Variants in KLHL4 observed in about 807,000 individuals in gnomAD.
KLHL4 encodes the protein kelch-like protein 4.
Under a neutral mutation model 45.8 loss-of-function variants are expected in KLHL4, and 17 were observed. The ratio of observed to expected loss-of-function variants is 0.37; its 90% confidence interval spans 0.25 to 0.56. The LOEUF (loss-of-function observed/expected upper bound fraction) is 0.56, where lower values mean the gene tolerates loss of function less well. Among genes scored for constraint, KLHL4 ranks in the 20% least tolerant of loss-of-function variants. The pLI, the probability that KLHL4 is intolerant of heterozygous loss-of-function variation, is 0.79. For synonymous variants in KLHL4, 224 were observed against 189.9 expected, an observed-to-expected ratio of 1.18 and a Z score of -1.47; for missense variants, 544 against 544.9, an observed-to-expected ratio of 1.00 and a Z score of 0.02.
chrX:87,608,316 T>C (rs1361060751), intron 1 of KLHL4, among the ~76,000 whole-genome samples: 1 of 111,583 alleles, frequency 9.0e-6, no homozygotes, highest in African/African-American at 3.3e-5. Flanking sequence ...ATCATGCTAC[T>C]TCTGTTCAAA....
At chrX:87,641,734 T>A (rs1326823121) in intron 9 of KLHL4, among the ~76,000 whole-genome samples, 1 of 111,080 alleles carries the variant, frequency 9.0e-6, no homozygotes, top group Admixed American at 9.5e-5. Context: ...CTCTTTGGTT[T>A]GCACGGGAGC....
At chrX:87,535,356 T>C (rs1931405322) in intron 1 of KLHL4, among the ~76,000 whole-genome samples, 1 of 111,932 alleles carries the variant, frequency 8.9e-6, no homozygotes, top group Non-Finnish European at 1.9e-5. Context: ...TAGCTGAAGA[T>C]ACTAGAAAGT....
At chrX:87,632,076 G>C (rs1344705746) in intron 6 of KLHL4, 134 bp from the exon 7 acceptor site, 2 of 428,131 alleles carry the variant, frequency 4.7e-6, no homozygotes, top group Non-Finnish European at 8.1e-6. Context: ...AATTACCTGA[G>C]CTACTTACTT....
At chrX:87,541,364 A>C (rs904548705) in intron 1 of KLHL4, among the ~76,000 whole-genome samples, 11 of 106,973 alleles carry the variant, frequency 1.0e-4, no homozygotes, top group African/African-American at 3.7e-4. Context: ...GCACACCTGT[A>C]GTCCCAGCTA....
chrX:87,564,883 G>C (rs1402922082), intron 1 of KLHL4, among the ~76,000 whole-genome samples: 4 of 111,564 alleles, frequency 3.6e-5, no homozygotes, highest in African/African-American at 1.3e-4. Flanking sequence ...AAGTGCACAT[G>C]GAATATTCTC....
intron 9 of KLHL4, among the ~76,000 whole-genome samples, chrX:87,659,113 C>CTTTTTT (rs1178733729): frequency 4.4e-4 from 20 of 45,096 alleles, no homozygotes; most frequent in East Asian, 2.2e-3. Context: ...TCTTTTCTTT[C>CTTTTTT]TTTTTTTTTT....
intron 3 of KLHL4, among the ~76,000 whole-genome samples, chrX:87,614,931 C>T (rs1288743594): frequency 9.0e-6 from 1 of 111,127 alleles, no homozygotes; most frequent in African/African-American, 3.3e-5. Flanking sequence ...GGAATGGGAT[C>T]TTCCAATCCT....
chrX:87,552,573 G>T (rs779317978), intron 1 of KLHL4, among the ~76,000 whole-genome samples: 1 of 110,568 alleles, frequency 9.0e-6, no homozygotes, highest in South Asian at 3.8e-4. Context: ...AGGAAAAGAC[G>T]TTGTTATTCA....
At chrX:87,532,295 T>C (rs1569335245) in intron 1 of KLHL4, among the ~76,000 whole-genome samples, 1 of 110,766 alleles carries the variant, frequency 9.0e-6, no homozygotes, top group East Asian at 2.9e-4. Context: ...TGATCTATAT[T>C]TCTGTTTTGG....
At chrX:87,552,464 T>C (rs1010517594) in intron 1 of KLHL4, among the ~76,000 whole-genome samples, 1 of 111,401 alleles carries the variant, frequency 9.0e-6, no homozygotes, top group African/African-American at 3.3e-5. Flanking sequence ...GAATGTAAAC[T>C]AGTACAGCCA....
At position 87,601,169 on chromosome X, in the gene KLHL4, G is replaced by A. The variant is rs148148881; in HGVS notation, c.423-12708G>A. 4.0e-3 allele frequency among the ~76,000 whole-genome samples: 452 copies of A among 112,031 alleles called. 5 individuals are homozygous for A. The highest frequency in any genetic ancestry group is 0.013 in the African/African-American group (413 of 30,800). The stretch of plus-strand genomic sequence containing the variant: ...AAGGCAGAGAGAGAGACTAAGGCAA[G>A]TTTTAGGGCAGGAGTGAGTTTATGT... On this transcript the variant is annotated intron_variant, in intron 1 of 10. Transcript: ENST00000373119.
chrX:87,668,148 T>C lies in KLHL4; in HGVS notation c.*1614T>C, dbSNP rs1398292105. ...ACATAGAGAGGCTGTGAAACACACA[T>C]ACAGCCCTGTTAGGTCTTTTGAATT... is the stretch of plus-strand genomic sequence containing the variant. On this transcript the variant is annotated 3_prime_UTR_variant, in exon 11 of 11. Coordinates refer to ENST00000373119, the MANE Select transcript of KLHL4 (RefSeq NM_019117.5). 13 of 746,746 alleles carry C rather than the reference T, an allele frequency of 1.7e-5. No individual in the cohort carries two copies. The South Asian group carries it at 7.5e-4, about 43-fold the overall frequency. 61.5% of individuals were successfully genotyped at this position (746,746 alleles called of 1,213,427 possible).
intron 9 of KLHL4, among the ~76,000 whole-genome samples, chrX:87,663,679 G>A (rs1602472352): frequency 8.9e-6 from 1 of 112,472 alleles, no homozygotes; most frequent in South Asian, 3.7e-4. Context: ...AGAGCATGCA[G>A]CTATGAATTT....
Position 87,669,299 on chromosome X carries a change from A to C in KLHL4, c.*2765A>C. The C allele has an allele frequency of 8.3e-7, 1 of 1,206,421 alleles. No individual in the cohort carries two copies. The highest frequency in any genetic ancestry group is 1.1e-6 in the Non-Finnish European group (1 of 892,936). ...GCATGCATCATGATGATTCTCTAAC[A>C]CTGTCTGTCACCTTCCTGTATTTCC... On this transcript the variant is annotated 3_prime_UTR_variant, in exon 11 of 11. Transcript: ENST00000373119.
chrX:87,632,420 A>G lies in KLHL4; in HGVS notation c.1535A>G (p.His512Arg), dbSNP rs1007679464. Residue 512 changes from histidine to arginine, a missense_variant, in exon 7 of 11, where the codon CAT becomes CGT. By Grantham distance (29) the His-to-Arg change is conservative (BLOSUM62 0). Coordinates refer to ENST00000373119, the MANE Select transcript of KLHL4 (RefSeq NM_019117.5). The part of the protein sequence containing the change: ...IWTVMPPMST[H>R]RHGLGVATLE... ...ACTGTGATGCCTCCCATGTCAACAC[A>G]TCGGCACGGCTTAGGTAAGAGCTTA... The G allele has an allele frequency of 4.2e-6, 5 of 1,190,420 alleles. No homozygotes were observed. The highest frequency in any genetic ancestry group is 1.8e-5 in the South Asian group (1 of 56,041).
chrX:87,624,262 CAACTTTTCCTGATCGT>C (rs1419138579), intron 5 of KLHL4, among the ~76,000 whole-genome samples: 1 of 112,033 alleles, frequency 8.9e-6, no homozygotes, highest in East Asian at 2.8e-4. Flanking sequence ...TGGACTGTGT[CAACTTTTCCTGATCGT>C]AGTAGTGATA....
At chrX:87,625,900 T>G in intron 6 of KLHL4, 104 bp downstream of exon 6, 1 of 608,103 alleles carries the variant, frequency 1.6e-6, no homozygotes, top group Non-Finnish European at 2.5e-6. Flanking sequence ...GCACCTAAAG[T>G]GAATTTTCAT....
rs113873136 is a variant in KLHL4, at chrX:87,607,795, A to G, written c.423-6082A>G. Among the ~76,000 whole-genome samples the G allele has an allele frequency of 4.0e-3, 450 of 111,585 alleles. 2 individuals carry two copies. Among genetic ancestry groups the G allele is most frequent in the African/African-American group, 0.014 (421 of 30,739 alleles). On this transcript the variant is annotated intron_variant, in intron 1 of 10. Transcript: ENST00000373119. ...TTCTTTTTATAATCTTTAAATGTAG[A>G]AGTCACCAGAGATGACCTCAAACCC...
intron 9 of KLHL4, among the ~76,000 whole-genome samples, chrX:87,648,015 A>G (rs1923693450): frequency 9.0e-6 from 1 of 111,314 alleles, no homozygotes; most frequent in African/African-American, 3.3e-5. Flanking sequence ...ATTAATATAC[A>G]GAAGTATTTA....
Sources: gnomAD v4.1 joint callset for allele counts (sites outside exome capture counted in the v4.1 genomes callset) on GRCh38, gnomAD v4.1.1 for gene constraint, MANE v1.5 for transcripts, NCBI Gene and HGNC (gene_info 2026-07-23, HGNC 2026-07-21) for gene names.